Variants in CNTNAP2 observed in about 807,000 individuals in gnomAD.
CNTNAP2 encodes the protein contactin-associated protein-like 2.
Under a neutral mutation model 155.2 loss-of-function variants are expected in CNTNAP2, and 98 were observed. The observed-to-expected ratio is 0.63, with a 90% CI of 0.54 to 0.75. CNTNAP2 has a LOEUF of 0.75. Ranked by LOEUF, CNTNAP2 falls within the 30% of genes least tolerant of loss-of-function variation. CNTNAP2 has a pLI of 0.00. For synonymous variants in CNTNAP2, 651 were observed against 631.2 expected, an observed-to-expected ratio of 1.03 and a Z score of -0.47; for missense variants, 1,727 against 1,688.1, an observed-to-expected ratio of 1.02 and a Z score of -0.40.
chr7:146,567,276 CATA>C (rs1317508030), intron 1 of CNTNAP2, among the ~76,000 whole-genome samples: 2 of 152,022 alleles, frequency 1.3e-5, no homozygotes, highest in African/African-American at 2.4e-5. Context: ...TAAAATGTCA[CATA>C]ATAATAATAT....
At chr7:147,515,238 C>T (rs554686744) in intron 11 of CNTNAP2, among the ~76,000 whole-genome samples, 1 of 152,172 alleles carries the variant, frequency 6.6e-6, no homozygotes, top group South Asian at 2.1e-4. Context: ...CCCACCTTAA[C>T]AACCATATTT....
intron 21 of CNTNAP2, among the ~76,000 whole-genome samples, chr7:148,326,136 G>GT (rs1797882262): frequency 8.1e-6 from 1 of 123,316 alleles, no homozygotes; most frequent in African/African-American, 2.7e-5. Flanking sequence ...TATGCAAACA[G>GT]GTTTTTTTTT....
intron 8 of CNTNAP2, among the ~76,000 whole-genome samples, chr7:147,239,236 G>A (rs1803883495): frequency 6.6e-6 from 1 of 151,988 alleles, no homozygotes; most frequent in Non-Finnish European, 1.5e-5. Context: ...TTTCGGGTGT[G>A]GTGGCTTACG....
Position 147,371,193 on chromosome 7 carries a change from A to G in CNTNAP2, c.1499-24416A>G, listed in dbSNP as rs151062841. On this transcript the variant is annotated intron_variant, in intron 9 of 23. Coordinates refer to ENST00000361727, the MANE Select transcript of CNTNAP2 (RefSeq NM_014141.6). ...TGAAGTTAAGATATTAGTAAATCAAACAATGTAAAATTCACGACCATATAT... is the reference window on the plus strand; with the variant it reads ...TGAAGTTAAGATATTAGTAAATCAAGCAATGTAAAATTCACGACCATATAT... 6.7e-3 allele frequency among the ~76,000 whole-genome samples: 1,013 copies of G among 152,284 alleles called. 11 individuals are homozygous for G. The highest frequency in any genetic ancestry group is 0.023 in the African/African-American group (953 of 41,574).
At chr7:146,209,561 T>G (rs1315514125) in intron 1 of CNTNAP2, among the ~76,000 whole-genome samples, 1 of 152,184 alleles carries the variant, frequency 6.6e-6, no homozygotes, top group Non-Finnish European at 1.5e-5. Flanking sequence ...AAGACTAATA[T>G]TTATACCTTA....
chr7:148,066,170 T>G (rs1803256091), intron 15 of CNTNAP2, among the ~76,000 whole-genome samples: 1 of 152,232 alleles, frequency 6.6e-6, no homozygotes, highest in Non-Finnish European at 1.5e-5. Flanking sequence ...TCTGATAGGT[T>G]TTCCTTTACA....
At chr7:147,932,815 G>T (rs927883511) in intron 14 of CNTNAP2, among the ~76,000 whole-genome samples, 15 of 152,114 alleles carry the variant, frequency 9.9e-5, no homozygotes, top group African/African-American at 3.1e-4. Context: ...CCACATATCT[G>T]ATAAGGCATT....
At chr7:148,163,442 C>A (rs753384730) in intron 17 of CNTNAP2, among the ~76,000 whole-genome samples, 1 of 152,186 alleles carries the variant, frequency 6.6e-6, no homozygotes, top group Non-Finnish European at 1.5e-5. Flanking sequence ...GACCACTTAG[C>A]TCCACCCCCA....
chr7:147,256,466 G>T (rs1563135741), intron 8 of CNTNAP2, among the ~76,000 whole-genome samples: 1 of 152,178 alleles, frequency 6.6e-6, no homozygotes, highest in African/African-American at 2.4e-5. Context: ...ATATGCGGGT[G>T]TTAAATGTAG....
intron 2 of CNTNAP2, among the ~76,000 whole-genome samples, chr7:146,826,094 T>A (rs1803394802): frequency 6.6e-6 from 1 of 152,124 alleles, no homozygotes; most frequent in African/African-American, 2.4e-5. Context: ...GAAGCTTCAG[T>A]AAGAGTCCCT....
chr7:147,734,168 T>G (rs556538530), intron 13 of CNTNAP2, among the ~76,000 whole-genome samples: 48 of 152,212 alleles, frequency 3.2e-4, no homozygotes, highest in Non-Finnish European at 6.5e-4. Flanking sequence ...TAAATAGCCT[T>G]TATTATTTTG....
At chr7:146,834,160 G>A (rs1803570110) in intron 2 of CNTNAP2, among the ~76,000 whole-genome samples, 1 of 151,902 alleles carries the variant, frequency 6.6e-6, no homozygotes, top group Admixed American at 6.6e-5. Context: ...ACCAACTTGA[G>A]TGCCGCGTTT....
chr7:147,858,800 T>G (rs1250070208), intron 13 of CNTNAP2, among the ~76,000 whole-genome samples: 2 of 152,174 alleles, frequency 1.3e-5, no homozygotes, highest in African/African-American at 4.8e-5. Flanking sequence ...CAGGAACTAG[T>G]AAGATGCATG....
intron 1 of CNTNAP2, among the ~76,000 whole-genome samples, chr7:146,648,764 C>A (rs1313413660): frequency 1.3e-5 from 2 of 151,892 alleles, no homozygotes; most frequent in African/African-American, 2.4e-5. Flanking sequence ...TGCTTTGAGG[C>A]CCTTTGATGC....
At chr7:147,810,482 G>T (rs1374585826) in intron 13 of CNTNAP2, among the ~76,000 whole-genome samples, 2 of 152,096 alleles carry the variant, frequency 1.3e-5, no homozygotes, top group Non-Finnish European at 2.9e-5. Flanking sequence ...CAAAGAGCTT[G>T]CCATATAATC....
At chr7:146,349,858 C>T (rs1038706258) in intron 1 of CNTNAP2, among the ~76,000 whole-genome samples, 2 of 152,132 alleles carry the variant, frequency 1.3e-5, no homozygotes, top group Non-Finnish European at 2.9e-5. Context: ...TGATGGGTTT[C>T]CCTTTGCAGG....
At position 147,083,962 on chromosome 7, in the gene CNTNAP2, TTA is replaced by T. The variant is rs1209017507; in HGVS notation, c.551-24179_551-24178del. On this transcript the variant is annotated intron_variant, in intron 4 of 23. Coordinates refer to ENST00000361727, the MANE Select transcript of CNTNAP2 (RefSeq NM_014141.6). ...ATATTATATAGCATTATATATAGCA[TTA>T]TATATGTGTATACACATATATGTAT... Among the ~76,000 whole-genome samples the T allele has an allele frequency of 6.1e-5, 8 of 130,334 alleles. No individual in the cohort carries two copies. In the East Asian group the frequency reaches 1.9e-3, roughly 32 times the overall value. 85.5% of individuals were successfully genotyped at this position (130,334 alleles called of 152,430 possible). A position where few individuals can be genotyped will look rare whatever the true frequency, so the allele number is the denominator to read the frequency against.
rs148525185 is a variant in CNTNAP2, at chr7:147,600,514, T to G, written c.1897+38257T>G. ...CATTTTATATAATTTTCATGTATTG[T>G]GAAATATTATTCTTCCTTTGATTTC... is the stretch of plus-strand genomic sequence containing the variant. On this transcript the variant is annotated intron_variant, in intron 12 of 23. Coordinates refer to ENST00000361727, the MANE Select transcript of CNTNAP2 (RefSeq NM_014141.6). 5.3e-3 allele frequency among the ~76,000 whole-genome samples: 805 copies of G among 152,310 alleles called. 2 individuals carry two copies. The highest frequency in any genetic ancestry group is 7.9e-3 in the Non-Finnish European group (536 of 68,036).
intron 3 of CNTNAP2, among the ~76,000 whole-genome samples, chr7:147,010,263 G>A (rs575880906): frequency 6.6e-6 from 1 of 152,100 alleles, no homozygotes; most frequent in Admixed American, 6.5e-5. Context: ...ATTCACCTCA[G>A]CCTCCCAAAG....
Sources: allele counts gnomAD v4.1 joint callset (sites outside exome capture counted in the v4.1 genomes callset), GRCh38; gene constraint gnomAD v4.1.1; transcripts MANE v1.5; gene names NCBI Gene and HGNC (gene_info 2026-07-23, HGNC 2026-07-21).